Variants in DLC1 observed in about 807,000 individuals in gnomAD.
DLC1 encodes DLC1 Rho GTPase activating protein.
A neutral mutation model predicts 140.3 loss-of-function variants in DLC1; 54 were observed. That is an observed-to-expected ratio of 0.38 (90% confidence interval 0.31 to 0.48). The LOEUF (loss-of-function observed/expected upper bound fraction) is 0.48. Among genes scored for constraint, DLC1 ranks in the 20% least tolerant of loss-of-function variants. The pLI, the probability that DLC1 is intolerant of heterozygous loss-of-function variation, is 0.96. For missense variants in DLC1, 2,536 were observed against 1,907.0 expected, an observed-to-expected ratio of 1.33 and a Z score of -6.14; for synonymous variants, 986 against 728.1, an observed-to-expected ratio of 1.35 and a Z score of -5.70.
intron 2 of DLC1, among the ~76,000 whole-genome samples, chr8:13,466,337 TG>T (rs1799939478): frequency 6.6e-6 from 1 of 152,208 alleles, no homozygotes; most frequent in Non-Finnish European, 1.5e-5. Context: ...CTGTGATCTG[TG>T]AGTAATAAAA....
At position 13,253,653 on chromosome 8, in the gene DLC1, T is replaced by G. The variant is rs140789826; in HGVS notation, c.1348+51616A>C. ...CACCTGTTTTAACCGAAAATAGCAA[T>G]TGAATGCAAACACCTTAATCTTAGC... On this transcript the variant is annotated intron_variant, in intron 5 of 17. Coordinates refer to ENST00000276297, the MANE Select transcript of DLC1 (RefSeq NM_182643.3). Among the ~76,000 whole-genome samples the G allele has an allele frequency of 1.9e-3, 290 of 152,292 alleles. 1 individual carries two copies. Among genetic ancestry groups the G allele is most frequent in the African/African-American group, 6.6e-3 (275 of 41,564 alleles).
intron 10 of DLC1, among the ~76,000 whole-genome samples, chr8:13,097,043 C>G (rs1303525310): frequency 6.6e-6 from 1 of 152,088 alleles, no homozygotes; most frequent in African/African-American, 2.4e-5. Context: ...CAGCCTACCC[C>G]TCACATTCTA....
At chr8:13,585,393 C>T (rs1401542104) in intron 1 of DLC1, among the ~76,000 whole-genome samples, 3 of 151,882 alleles carry the variant, frequency 2.0e-5, no homozygotes, top group Non-Finnish European at 4.4e-5. Flanking sequence ...GCAAGACTCT[C>T]ATCTCTATAA....
chr8:13,204,181 C>G (rs1255678339), intron 5 of DLC1, among the ~76,000 whole-genome samples: 7 of 152,140 alleles, frequency 4.6e-5, no homozygotes, highest in Admixed American at 4.6e-4. Flanking sequence ...TTCATTAGGT[C>G]TAGTAATCTC....
chr8:13,578,846 G>A (rs140796213), intron 1 of DLC1, among the ~76,000 whole-genome samples: 3 of 152,116 alleles, frequency 2.0e-5, no homozygotes, highest in African/African-American at 4.8e-5. Flanking sequence ...TAGGTTTTCT[G>A]TGGAGACTTC....
intron 1 of DLC1, among the ~76,000 whole-genome samples, chr8:13,551,047 A>AACACACACACACACACAC (rs1554542230): frequency 2.4e-5 from 3 of 123,056 alleles, no homozygotes; most frequent in African/African-American, 9.2e-5. Context: ...GATTTCTTTA[A>AACACACACACACACACAC]ACACACACAC....
At chr8:13,150,201 G>A (rs894130979) in intron 5 of DLC1, among the ~76,000 whole-genome samples, 1 of 152,190 alleles carries the variant, frequency 6.6e-6, no homozygotes, top group Non-Finnish European at 1.5e-5. Context: ...GGGAGGCCCT[G>A]TGGCTTCTCA....
At chr8:13,435,613 G>A (rs1227498563) in intron 2 of DLC1, among the ~76,000 whole-genome samples, 1 of 152,120 alleles carries the variant, frequency 6.6e-6, no homozygotes, top group Admixed American at 6.6e-5. Context: ...TGTGCCCAGC[G>A]AGGAGTTGTT....
At chr8:13,576,227 T>G (rs1312517104) in intron 1 of DLC1, among the ~76,000 whole-genome samples, 1 of 152,230 alleles carries the variant, frequency 6.6e-6, no homozygotes, top group Admixed American at 6.5e-5. Flanking sequence ...GTTCATTCAT[T>G]AAATCCCAAG....
At chr8:13,506,936 T>C (rs1802117465) in intron 1 of DLC1, among the ~76,000 whole-genome samples, 1 of 152,120 alleles carries the variant, frequency 6.6e-6, no homozygotes, top group African/African-American at 2.4e-5. Context: ...AATCTTACTG[T>C]ATCTTAGCCT....
chr8:13,213,833 G>C (rs1409075087), intron 5 of DLC1, among the ~76,000 whole-genome samples: 1 of 151,694 alleles, frequency 6.6e-6, no homozygotes, highest in Non-Finnish European at 1.5e-5. Flanking sequence ...GCCCAGCCTG[G>C]AGTGCAGTGG....
intron 4 of DLC1, among the ~76,000 whole-genome samples, chr8:13,368,844 G>A (rs1185827900): frequency 6.6e-6 from 1 of 152,126 alleles, no homozygotes; most frequent in African/African-American, 2.4e-5. Context: ...TTTATTTTAA[G>A]AGGGAGTCTC....
intron 5 of DLC1, among the ~76,000 whole-genome samples, chr8:13,174,456 G>C (rs1825656880): frequency 6.6e-6 from 1 of 152,110 alleles, no homozygotes; most frequent in Non-Finnish European, 1.5e-5. Context: ...TTTCTGCAGT[G>C]GCTGAACTAA....
At chr8:13,585,366 C>G (rs1176505929) in intron 1 of DLC1, among the ~76,000 whole-genome samples, 1 of 151,510 alleles carries the variant, frequency 6.6e-6, no homozygotes, top group Non-Finnish European at 1.5e-5. Flanking sequence ...AAGATCAAGA[C>G]CAGACTAGGA....
intron 4 of DLC1, among the ~76,000 whole-genome samples, chr8:13,391,155 G>A (rs959829538): frequency 6.6e-6 from 1 of 151,358 alleles, no homozygotes; most frequent in African/African-American, 2.4e-5. Flanking sequence ...TTATAGTCCA[G>A]TAGCTGGACA....
chr8:13,330,769 A>G (rs1293712335), intron 4 of DLC1, among the ~76,000 whole-genome samples: 2 of 152,116 alleles, frequency 1.3e-5, no homozygotes, highest in African/African-American at 4.8e-5. Flanking sequence ...GAATTTTTTA[A>G]TCTTGTTTAC....
chr8:13,453,460 G>GTATA (rs1257878047), intron 2 of DLC1, among the ~76,000 whole-genome samples: 1 of 23,206 alleles, frequency 4.3e-5, no homozygotes, highest in Non-Finnish European at 7.0e-5. Flanking sequence ...ATATATATAT[G>GTATA]TATATATATA....
chr8:13,174,388 G>A (rs1459912426), intron 5 of DLC1, among the ~76,000 whole-genome samples: 1 of 152,138 alleles, frequency 6.6e-6, no homozygotes, highest in Non-Finnish European at 1.5e-5. Flanking sequence ...CCCAGTAGTG[G>A]GATTGCTGGG....
rs1368884768 is a variant in DLC1, at chr8:13,115,761, C to T, written c.1349-104G>A. On this transcript the variant is annotated intron_variant, in intron 5 of 17. Coordinates refer to ENST00000276297, the MANE Select transcript of DLC1 (RefSeq NM_182643.3). Reference sequence around the variant, plus strand: ...TATGATACAAGCAAAACATGACTGCCATAGAAAATACAGATAAGCAAACAG... The same window carrying T: ...TATGATACAAGCAAAACATGACTGCTATAGAAAATACAGATAAGCAAACAG... The T allele has an allele frequency of 6.7e-6, 7 of 1,041,844 alleles. No individual in the cohort carries two copies. In the African/African-American group the frequency reaches 9.5e-5, roughly 14 times the overall value. The allele number at this position is 1,041,844 out of a possible 1,614,324, so 64.5% of individuals were successfully genotyped here. A position where few individuals can be genotyped will look rare whatever the true frequency, so the allele number is the denominator to read the frequency against.
Sources: gnomAD v4.1 joint callset for allele counts (sites outside exome capture counted in the v4.1 genomes callset) on GRCh38, gnomAD v4.1.1 for gene constraint, MANE v1.5 for transcripts, NCBI Gene and HGNC (gene_info 2026-07-23, HGNC 2026-07-21) for gene names.